The following LRRC7 variants were observed in gnomAD, a reference collection of about 807,000 sequenced individuals.
LRRC7 encodes the protein leucine rich repeat containing 7, also known as leucine-rich repeat-containing protein 7.
In LRRC7, 23 loss-of-function variants were observed where a neutral mutation model predicts 175.7. The observed-to-expected ratio is 0.13, with a 90% CI of 0.09 to 0.19. LRRC7 has a LOEUF of 0.19. LRRC7 is among the 10% of genes least tolerant of loss of function. LRRC7 has a pLI of 1.00. For missense variants in LRRC7, 1,354 were observed against 1,904.7 expected (o/e 0.71, Z 5.38); for synonymous variants, 685 against 680.9 (o/e 1.01, Z -0.09).
chr1:69,862,218 T>C (rs1684429283), intron 7 of LRRC7, among the ~76,000 whole-genome samples: 1 of 152,106 alleles, frequency 6.6e-6, no homozygotes, highest in African/African-American at 2.4e-5. Context: ...TGAAAAACAT[T>C]TGCAGTAAAC....
At chr1:69,893,864 G>C (rs557427441) in intron 7 of LRRC7, among the ~76,000 whole-genome samples, 3 of 152,176 alleles carry the variant, frequency 2.0e-5, no homozygotes, top group Non-Finnish European at 4.4e-5. Flanking sequence ...TTGAGGAAGA[G>C]ATATTCTAGG....
Position 70,122,000 on chromosome 1 carries a change from A to C in LRRC7, c.*113A>C, listed in dbSNP as rs935199292. On this transcript the variant is annotated 3_prime_UTR_variant, in exon 27 of 27. Coordinates refer to ENST00000651989, the MANE Select transcript of LRRC7 (RefSeq NM_001370785.2). ...TGGACCAATGGCAAACATTAGTGCC[A>C]AATGTATAATACTATATGTTAGCAC... 4.3e-6 allele frequency: 3 copies of C among 692,152 alleles called. No individual in the cohort carries two copies. The highest frequency in any genetic ancestry group is 7.8e-6 in the Non-Finnish European group (3 of 385,936). 42.9% of individuals were successfully genotyped at this position (692,152 alleles called of 1,614,324 possible). A position where few individuals can be genotyped will look rare whatever the true frequency, so the allele number is the denominator to read the frequency against.
At chr1:70,029,929 T>C (rs1658533414) in intron 18 of LRRC7, among the ~76,000 whole-genome samples, 1 of 152,182 alleles carries the variant, frequency 6.6e-6, no homozygotes, top group Non-Finnish European at 1.5e-5. Flanking sequence ...TTGCTTTTGC[T>C]TTCATGTTCC....
At chr1:69,876,646 A>G (rs866989286) in intron 7 of LRRC7, among the ~76,000 whole-genome samples, 2 of 152,192 alleles carry the variant, frequency 1.3e-5, no homozygotes, top group Non-Finnish European at 2.9e-5. Context: ...TTTCAGCTGT[A>G]TTTTACATAT....
In LRRC7 at chr1:69,735,079, C is replaced by T. The variant is rs560220966; in HGVS notation, c.101-25112C>T. On this transcript the variant is annotated intron_variant, in intron 2 of 26. Coordinates refer to ENST00000651989, the MANE Select transcript of LRRC7 (RefSeq NM_001370785.2). Reference sequence around the variant, plus strand: ...AGTTGCAGATATTATGATACTTCCTCTTTAAATATTTCATATTGCCTCTCC... The same window carrying T: ...AGTTGCAGATATTATGATACTTCCTTTTTAAATATTTCATATTGCCTCTCC... 3.9e-5 allele frequency among the ~76,000 whole-genome samples: 6 copies of T among 152,026 alleles called. No homozygotes were observed. In the East Asian group the frequency reaches 7.7e-4, roughly 20 times the overall value.
intron 7 of LRRC7, among the ~76,000 whole-genome samples, chr1:69,907,532 T>C (rs1320673014): frequency 6.6e-6 from 1 of 152,200 alleles, no homozygotes; most frequent in South Asian, 2.1e-4. Context: ...GTGGTTTTTG[T>C]CTTTGGTTCT....
chr1:69,918,597 C>T (rs1430860194), intron 7 of LRRC7, among the ~76,000 whole-genome samples: 2 of 151,990 alleles, frequency 1.3e-5, no homozygotes, highest in African/African-American at 4.8e-5. Context: ...TGAAGACAGT[C>T]AAACTTAGAA....
In LRRC7 at chr1:69,717,828, AAGAAAGAAAG is replaced by A. The variant is rs1665654074; in HGVS notation, c.100+39352_100+39361del. Among the ~76,000 whole-genome samples, 2 of 55,306 alleles carry A rather than the reference AAGAAAGAAAG, an allele frequency of 3.6e-5. 1 individual carries two copies. The highest frequency in any genetic ancestry group is 1.8e-4 in the African/African-American group (2 of 10,932). 36.3% of individuals were successfully genotyped at this position (55,306 alleles called of 152,430 possible). ...AAAGAAAGAAAGAAAGAAAGAAAGA[AAGAAAGAAAG>A]AAAAAAGAAAGAAAGGAAAGAAAGA... On this transcript the variant is annotated intron_variant, in intron 2 of 26. Transcript: ENST00000651989.
At chr1:69,756,805 G>C (rs2100920761) in intron 2 of LRRC7, among the ~76,000 whole-genome samples, 1 of 151,922 alleles carries the variant, frequency 6.6e-6, no homozygotes, top group Non-Finnish European at 1.5e-5. Flanking sequence ...ACACAGGAAA[G>C]AAATGAAAAA....
chr1:69,814,452 A>G (rs1678341814), intron 4 of LRRC7, among the ~76,000 whole-genome samples: 2 of 152,180 alleles, frequency 1.3e-5, no homozygotes, highest in African/African-American at 2.4e-5. Flanking sequence ...TTTTTCAAGT[A>G]CTTATTAAGA....
intron 2 of LRRC7, among the ~76,000 whole-genome samples, chr1:69,702,017 T>C (rs2100699062): frequency 6.6e-6 from 1 of 152,330 alleles, no homozygotes; most frequent in Non-Finnish European, 1.5e-5. Flanking sequence ...GTTATTTACA[T>C]TTTTATAACA....
intron 2 of LRRC7, among the ~76,000 whole-genome samples, chr1:69,692,384 C>A (rs1287312528): frequency 1.3e-5 from 2 of 152,132 alleles, no homozygotes; most frequent in Non-Finnish European, 2.9e-5. Context: ...TGATAAGCAC[C>A]TCACTTCTAA....
intron 7 of LRRC7, among the ~76,000 whole-genome samples, chr1:69,871,766 C>T (rs536647077): frequency 1.3e-5 from 2 of 151,774 alleles, no homozygotes; most frequent in Non-Finnish European, 2.9e-5. Context: ...ATCCATGAGA[C>T]AAAATATTCT....
chr1:69,970,494 C>T (rs955740004), intron 8 of LRRC7, among the ~76,000 whole-genome samples: 10 of 151,950 alleles, frequency 6.6e-5, no homozygotes, highest in Non-Finnish European at 1.2e-4. Flanking sequence ...AAGGCTAATA[C>T]GAATGACTTT....
At chr1:69,965,829 G>A (rs537952532) in intron 8 of LRRC7, among the ~76,000 whole-genome samples, 134 of 152,174 alleles carry the variant, frequency 8.8e-4, no homozygotes, top group Middle Eastern at 3.4e-3. Flanking sequence ...TCATCAAAAG[G>A]TGAACAATAT....
At chr1:69,918,809 A>G (rs939935578) in intron 7 of LRRC7, among the ~76,000 whole-genome samples, 1 of 152,204 alleles carries the variant, frequency 6.6e-6, no homozygotes, top group African/African-American at 2.4e-5. Flanking sequence ...ATAAAATTAA[A>G]ATAGAAGAAA....
intron 2 of LRRC7, among the ~76,000 whole-genome samples, chr1:69,738,854 A>G (rs763060610): frequency 4.6e-5 from 7 of 152,080 alleles, no homozygotes; most frequent in Non-Finnish European, 7.4e-5. Context: ...TGGAGACAGA[A>G]AAAAGTAGAT....
intron 1 of LRRC7, among the ~76,000 whole-genome samples, chr1:69,640,802 A>C (rs1373260629): frequency 6.6e-6 from 1 of 151,432 alleles, no homozygotes; most frequent in Non-Finnish European, 1.5e-5. Flanking sequence ...TATTATTTTT[A>C]GTTGCTACTT....
intron 1 of LRRC7, among the ~76,000 whole-genome samples, chr1:69,622,430 C>A (rs1441852481): frequency 1.3e-5 from 2 of 152,084 alleles, no homozygotes; most frequent in Non-Finnish European, 2.9e-5. Context: ...TGTCTCTTTT[C>A]TAAGAGTCTG....
Sources: gnomAD v4.1 joint callset for allele counts (sites outside exome capture counted in the v4.1 genomes callset) on GRCh38, gnomAD v4.1.1 for gene constraint, MANE v1.5 for transcripts, NCBI Gene and HGNC (gene_info 2026-07-23, HGNC 2026-07-21) for gene names.